The following TTLL5 variants were observed in gnomAD, a reference collection of about 807,000 sequenced individuals.
TTLL5 encodes the protein tubulin polyglutamylase TTLL5.
TTLL5 carries 132 observed loss-of-function variants against 168.4 expected under a neutral mutation model. That is an observed-to-expected ratio of 0.78 (90% CI 0.68 to 0.91). The LOEUF (loss-of-function observed/expected upper bound fraction) is 0.91, where lower values mean the gene tolerates loss of function less well. TTLL5 is among the 40% of genes least tolerant of loss of function. TTLL5 has a pLI of 0.00. For synonymous variants in TTLL5, 546 were observed against 558.6 expected (o/e 0.98, Z 0.32); for missense variants, 1,545 against 1,581.5 (o/e 0.98, Z 0.39).
chr14:75,771,976 A>C, intron 21 of TTLL5, 122 bp downstream of exon 21: 1 of 1,151,220 alleles, frequency 8.7e-7, no homozygotes. Flanking sequence ...TTATTATGTA[A>C]GAAGGTTTTT....
At chr14:75,904,294 T>A (rs549905614) in intron 31 of TTLL5, 1 of 1,056,442 alleles carries the variant, frequency 9.5e-7, no homozygotes, top group African/African-American at 1.7e-5. Context: ...GGGATTGTTA[T>A]GAACTGCGAA....
At chr14:75,778,886 G>A (rs949589839) in intron 23 of TTLL5, among the ~76,000 whole-genome samples, 5 of 152,074 alleles carry the variant, frequency 3.3e-5, no homozygotes, top group African/African-American at 1.2e-4. Context: ...CTTTAGTCTC[G>A]TGCATTATAT....
At chr14:75,839,290 T>G (rs1410194373) in intron 28 of TTLL5, among the ~76,000 whole-genome samples, 1 of 152,162 alleles carries the variant, frequency 6.6e-6, no homozygotes, top group Non-Finnish European at 1.5e-5. Context: ...GGAACCATCA[T>G]ACTGTTTTCC....
In TTLL5 at chr14:75,836,265, A is replaced by G. The variant is rs531396721; in HGVS notation, c.3326+16104A>G. Among the ~76,000 whole-genome samples the G allele has an allele frequency of 5.9e-5, 9 of 152,344 alleles. No individual in the cohort carries two copies. The South Asian group carries it at 1.9e-3, about 32-fold the overall frequency. Reference sequence around the variant, plus strand: ...CAACATGATGGAACTGGAGGTCATTATGTTAAGTGAGATAAGCCAGGCACA... The same window carrying G: ...CAACATGATGGAACTGGAGGTCATTGTGTTAAGTGAGATAAGCCAGGCACA... On this transcript the variant is annotated intron_variant, in intron 28 of 31. Transcript: ENST00000298832.
At chr14:75,786,743 G>T (rs1177311868) in intron 26 of TTLL5, among the ~76,000 whole-genome samples, 1 of 152,078 alleles carries the variant, frequency 6.6e-6, no homozygotes, top group Non-Finnish European at 1.5e-5. Flanking sequence ...AATTCTAATG[G>T]GGAGAAGAAA....
intron 18 of TTLL5, among the ~76,000 whole-genome samples, chr14:75,755,953 A>T (rs1245275303): frequency 2.0e-5 from 3 of 151,998 alleles, no homozygotes; most frequent in African/African-American, 7.3e-5. Context: ...CAGTTGCTTT[A>T]ACCCTGGCTT....
chr14:75,874,131 G>A (rs1370967300), intron 29 of TTLL5, among the ~76,000 whole-genome samples: 3 of 151,406 alleles, frequency 2.0e-5, no homozygotes, highest in Non-Finnish European at 3.0e-5. Context: ...TCACTCTATT[G>A]CCCAGGCTGG....
chr14:75,683,463 C>T, intron 4 of TTLL5, 87 bp from the exon 5 acceptor site: 1 of 1,107,672 alleles, frequency 9.0e-7, no homozygotes, highest in Non-Finnish European at 1.4e-6. Context: ...ATGAAAAAAT[C>T]ACTGTGGCTT....
At chr14:75,921,803 T>G (rs1197835926) in intron 31 of TTLL5, among the ~76,000 whole-genome samples, 1 of 152,358 alleles carries the variant, frequency 6.6e-6, no homozygotes, top group East Asian at 1.9e-4. Context: ...ATTGAATCTA[T>G]AAATTACCTT....
intron 27 of TTLL5, among the ~76,000 whole-genome samples, chr14:75,810,640 T>C (rs977310266): frequency 1.3e-5 from 2 of 152,216 alleles, no homozygotes; most frequent in Non-Finnish European, 2.9e-5. Flanking sequence ...GCACTGTGAT[T>C]ACACACATGA....
chr14:75,784,760 GT>G (rs1408011712), intron 26 of TTLL5, among the ~76,000 whole-genome samples: 1 of 152,074 alleles, frequency 6.6e-6, no homozygotes, highest in Non-Finnish European at 1.5e-5. Context: ...AGTTGTCTCT[GT>G]TTTTGATTTT....
chr14:75,824,733 T>G (rs1212751825), intron 28 of TTLL5, among the ~76,000 whole-genome samples: 2 of 152,054 alleles, frequency 1.3e-5, no homozygotes, highest in African/African-American at 2.4e-5. Context: ...ATGTGTTTTT[T>G]TTTTTTTTTT....
rs370380415 is a variant in TTLL5 at position 75,929,447 on chromosome 14, C to CTTTTT, written c.3824-24963_3824-24959dup. Among the ~76,000 whole-genome samples, 69 of 120,846 alleles carry CTTTTT rather than the reference C, an allele frequency of 5.7e-4. 4 individuals carry two copies. Among genetic ancestry groups the CTTTTT allele is most frequent in the Middle Eastern group, 4.6e-3 (1 of 216 alleles). The allele number at this position is 120,846 out of a possible 152,430, so 79.3% of individuals were successfully genotyped here. A position where few individuals can be genotyped will look rare whatever the true frequency, so the allele number is the denominator to read the frequency against. ...CTGAAAAGTCTTTCAATAAAGATAC[C>CTTTTT]TTTTTTTTTTTTTTTTTTGGTGGGG... is the stretch of plus-strand genomic sequence containing the variant. On this transcript the variant is annotated intron_variant, in intron 31 of 31. Coordinates refer to ENST00000298832, the MANE Select transcript of TTLL5 (RefSeq NM_015072.5).
At position 75,766,059 on chromosome 14, in the gene TTLL5, T is replaced by C. The variant is rs201524737; in HGVS notation, c.1709-3T>C. Reference sequence around the variant, plus strand: ...AGCAACATTAGTGATTCTTCGTATTTAGTGATTACCCAACCAGCTGAAATG... The same window carrying C: ...AGCAACATTAGTGATTCTTCGTATTCAGTGATTACCCAACCAGCTGAAATG... On this transcript the variant is annotated splice_region_variant and splice_polypyrimidine_tract_variant and intron_variant, in intron 19 of 31. Transcript: ENST00000298832. 12 of 1,606,880 alleles carry C rather than the reference T, an allele frequency of 7.5e-6. No homozygotes were observed. Among genetic ancestry groups the C allele is most frequent in the Non-Finnish European group, 8.5e-6 (10 of 1,176,646 alleles).
rs998761300 is a variant in TTLL5, at chr14:75,861,338, A to G, written c.3327-2329A>G. Among the ~76,000 whole-genome samples, 3 of 152,210 alleles carry G rather than the reference A, an allele frequency of 2.0e-5. No individual in the cohort carries two copies. In the East Asian group the frequency reaches 5.8e-4, roughly 29 times the overall value. On this transcript the variant is annotated intron_variant, in intron 28 of 31. Coordinates refer to ENST00000298832, the MANE Select transcript of TTLL5 (RefSeq NM_015072.5). The stretch of plus-strand genomic sequence containing the variant: ...TAAGAGAGTTGGGAAACCAAAGCAG[A>G]GGCCCGAAAAGACCAGGTTGTGAGG...
chr14:75,804,197 T>C (rs117530762), intron 27 of TTLL5, among the ~76,000 whole-genome samples: 3,989 of 152,276 alleles, frequency 0.026, 94 homozygotes, highest in Non-Finnish European at 0.041. Context: ...AAAAAATCCA[T>C]TCTATTTCTT....
intron 27 of TTLL5, among the ~76,000 whole-genome samples, chr14:75,817,766 A>G (rs912408658): frequency 6.6e-6 from 1 of 150,796 alleles, no homozygotes; most frequent in Non-Finnish European, 1.5e-5. Context: ...CTCTCTCTTC[A>G]ACAGTCCCGG....
intron 24 of TTLL5, 90 bp from the exon 25 acceptor site, chr14:75,782,395 TTG>T (rs2140330045): frequency 2.0e-6 from 2 of 985,808 alleles, no homozygotes; most frequent in South Asian, 3.4e-5. Flanking sequence ...TGATTAGCAG[TTG>T]TGTTATATTT....
intron 21 of TTLL5, among the ~76,000 whole-genome samples, chr14:75,773,957 AAG>A (rs1166420551): frequency 1.6e-3 from 68 of 43,338 alleles, no homozygotes; most frequent in African/African-American, 3.8e-3. Context: ...GAGAGAGAGA[AAG>A]AGAGAGAGAG....
Sources: allele counts gnomAD v4.1 joint callset (sites outside exome capture counted in the v4.1 genomes callset), GRCh38; gene constraint gnomAD v4.1.1; transcripts MANE v1.5; gene names NCBI Gene and HGNC (gene_info 2026-07-23, HGNC 2026-07-21).